The following BRINP3 variants were observed in gnomAD, a reference collection of about 807,000 sequenced individuals.
BRINP3 encodes the protein BMP/retinoic acid-inducible neural-specific protein 3.
Under a neutral mutation model 71.0 loss-of-function variants are expected in BRINP3, and 19 were observed. The ratio of observed to expected loss-of-function variants is 0.27; its 90% CI spans 0.19 to 0.39. BRINP3 has a LOEUF of 0.39. Ranked by LOEUF, BRINP3 falls within the 10% of genes least tolerant of loss-of-function variation. The pLI is 1.00. For missense variants in BRINP3, 959 were observed against 940.8 expected (o/e 1.02, Z -0.25); for synonymous variants, 380 against 337.7 (o/e 1.13, Z -1.37).
chr1:190,331,953 A>C (rs1182481747), intron 2 of BRINP3, among the ~76,000 whole-genome samples: 1 of 151,984 alleles, frequency 6.6e-6, no homozygotes, highest in East Asian at 1.9e-4. Flanking sequence ...GTATTTTCTT[A>C]ATATGGTTGT....
chr1:190,121,618 G>A (rs1056001713), intron 7 of BRINP3, among the ~76,000 whole-genome samples: 2 of 152,074 alleles, frequency 1.3e-5, no homozygotes, highest in Non-Finnish European at 2.9e-5. Flanking sequence ...ATATAAATTA[G>A]TTTCCATATG....
chr1:190,413,818 GA>G (rs1283643149), intron 2 of BRINP3, among the ~76,000 whole-genome samples: 5 of 151,834 alleles, frequency 3.3e-5, no homozygotes, highest in African/African-American at 9.7e-5. Flanking sequence ...CATTGACAAA[GA>G]AAAATGCCTA....
At chr1:190,137,438 TAA>T (rs200761331) in intron 7 of BRINP3, among the ~76,000 whole-genome samples, 5 of 126,886 alleles carry the variant, frequency 3.9e-5, no homozygotes, top group East Asian at 2.2e-4. Context: ...AACCAAAGTT[TAA>T]AAAAAAAAAA....
chr1:190,256,558 G>C (rs953749265), intron 4 of BRINP3, among the ~76,000 whole-genome samples: 1 of 152,236 alleles, frequency 6.6e-6, no homozygotes. Flanking sequence ...TTGCCCGTTA[G>C]TTGATGCAGT....
At chr1:190,144,683 C>T (rs1295226918) in intron 7 of BRINP3, among the ~76,000 whole-genome samples, 1 of 152,056 alleles carries the variant, frequency 6.6e-6, no homozygotes, top group African/African-American at 2.4e-5. Context: ...TCAGAAAAAT[C>T]TTACCGATGA....
intron 2 of BRINP3, among the ~76,000 whole-genome samples, chr1:190,449,790 C>G (rs1467121744): frequency 6.6e-6 from 1 of 152,058 alleles, no homozygotes; most frequent in Non-Finnish European, 1.5e-5. Context: ...ATTCATTTCT[C>G]TGACAATCTG....
chr1:190,242,402 T>C (rs1423971507), intron 4 of BRINP3, among the ~76,000 whole-genome samples: 1 of 152,082 alleles, frequency 6.6e-6, no homozygotes, highest in Non-Finnish European at 1.5e-5. Context: ...TTCTTGGGCC[T>C]TCTCCAAACA....
At chr1:190,268,567 A>G (rs905515169) in intron 3 of BRINP3, among the ~76,000 whole-genome samples, 2 of 152,204 alleles carry the variant, frequency 1.3e-5, no homozygotes, top group African/African-American at 4.8e-5. Context: ...GTAAACCTAG[A>G]AGAGAATGCA....
chr1:190,190,609 T>C (rs1382660817), intron 6 of BRINP3, among the ~76,000 whole-genome samples: 1 of 152,062 alleles, frequency 6.6e-6, no homozygotes, highest in Non-Finnish European at 1.5e-5. Context: ...ACTACATATT[T>C]CTACTGTAGA....
intron 2 of BRINP3, among the ~76,000 whole-genome samples, chr1:190,356,351 C>A (rs1461533942): frequency 2.0e-5 from 3 of 151,752 alleles, no homozygotes; most frequent in African/African-American, 7.3e-5. Context: ...TTTCCTATGA[C>A]CCGATAAGAA....
intron 2 of BRINP3, among the ~76,000 whole-genome samples, chr1:190,347,100 A>G (rs1354096842): frequency 6.6e-6 from 1 of 152,086 alleles, no homozygotes; most frequent in Non-Finnish European, 1.5e-5. Context: ...CTATCATTTG[A>G]GTGCATGTTA....
At chr1:190,264,091 C>T (rs567513738) in intron 4 of BRINP3, among the ~76,000 whole-genome samples, 2 of 152,200 alleles carry the variant, frequency 1.3e-5, no homozygotes, top group Admixed American at 6.5e-5. Flanking sequence ...TTTACAATGG[C>T]CATTTGACAA....
intron 1 of BRINP3, among the ~76,000 whole-genome samples, chr1:190,463,760 C>CTA (rs1676552321): frequency 6.6e-6 from 1 of 151,804 alleles, no homozygotes; most frequent in Non-Finnish European, 1.5e-5. Flanking sequence ...TGATTACAAT[C>CTA]TATAATTTTA....
At chr1:190,134,856 T>C (rs1049714421) in intron 7 of BRINP3, among the ~76,000 whole-genome samples, 3 of 152,070 alleles carry the variant, frequency 2.0e-5, no homozygotes, top group Admixed American at 1.3e-4. Flanking sequence ...AGCTGGAACA[T>C]GAGCTTTTAG....
At chr1:190,156,514 A>AC (rs773200368) in intron 7 of BRINP3, among the ~76,000 whole-genome samples, 6 of 150,438 alleles carry the variant, frequency 4.0e-5, no homozygotes, top group Non-Finnish European at 7.4e-5. Context: ...TCCAGTACAT[A>AC]TTTTTTTTTT....
intron 2 of BRINP3, among the ~76,000 whole-genome samples, chr1:190,336,821 TCCTTCCCTCCCTCCC>T (rs1667313357): frequency 1.6e-5 from 1 of 64,472 alleles, no homozygotes. Flanking sequence ...CTCCCTTCCC[TCCTTCCCTCCCTCCC>T]TCCTTCCTTC....
At chr1:190,197,407 T>C (rs1466552368) in intron 6 of BRINP3, among the ~76,000 whole-genome samples, 2 of 152,106 alleles carry the variant, frequency 1.3e-5, no homozygotes, top group Non-Finnish European at 2.9e-5. Context: ...CAAAAGTCCA[T>C]AGTCCAAAGT....
intron 1 of BRINP3, among the ~76,000 whole-genome samples, chr1:190,458,125 C>T (rs1051614341): frequency 3.3e-5 from 5 of 151,758 alleles, no homozygotes; most frequent in African/African-American, 7.3e-5. Flanking sequence ...TCACATAATT[C>T]GGGGGTTTAA....
chr1:190,264,994 A>C lies in BRINP3; in HGVS notation c.489T>G (p.Ser163Arg), dbSNP rs1661528536. Residue 163 changes from serine to arginine, a missense_variant, in exon 4 of 8, where the codon AGT becomes AGG. Transcript: ENST00000367462. ...KRKLSKRAEG[S>R]DSTTNSSSVT... is the part of the protein sequence containing the mutation. ...CCGAAGAGCTATTGGTGGTGGAATC[A>C]CTTCCTTCAGCTCGTTTGCTCAACT... 1 of 1,611,990 alleles carries C rather than the reference A, an allele frequency of 6.2e-7. No individual in the cohort carries two copies.
Sources: gnomAD v4.1 joint callset for allele counts (sites outside exome capture counted in the v4.1 genomes callset) on GRCh38, gnomAD v4.1.1 for gene constraint, MANE v1.5 for transcripts, NCBI Gene and HGNC (gene_info 2026-07-23, HGNC 2026-07-21) for gene names.